CLINT1: variants seen among roughly 807,000 people sequenced by gnomAD.
The protein encoded by CLINT1 is clathrin interactor 1, also known as clathrin interacting protein localized in the trans-Golgi region.
A neutral mutation model predicts 70.4 loss-of-function variants in CLINT1; 15 were observed. The ratio of observed to expected loss-of-function variants is 0.21; its 90% CI spans 0.14 to 0.33. The LOEUF is 0.33. Among genes scored for constraint, CLINT1 ranks in the 10% least tolerant of loss-of-function variants. The pLI is 1.00. For missense variants in CLINT1, 615 were observed against 778.1 expected, an observed-to-expected ratio of 0.79 and a Z score of 2.49; for synonymous variants, 227 against 254.7, an observed-to-expected ratio of 0.89 and a Z score of 1.04.
intron 11 of CLINT1, among the ~76,000 whole-genome samples, chr5:157,788,786 G>GTTTA (rs976802467): frequency 6.6e-6 from 1 of 151,932 alleles, no homozygotes; most frequent in Non-Finnish European, 1.5e-5. Flanking sequence ...TGGACAACAG[G>GTTTA]GTGAAACCCT....
chr5:157,812,217 T>C (rs1478109102), intron 5 of CLINT1, among the ~76,000 whole-genome samples: 1 of 152,030 alleles, frequency 6.6e-6, no homozygotes, highest in African/African-American at 2.4e-5. Flanking sequence ...TTGAAGGAGA[T>C]ATGAGAGCTC....
intron 5 of CLINT1, among the ~76,000 whole-genome samples, chr5:157,810,529 C>G (rs1762523486): frequency 6.6e-6 from 1 of 152,142 alleles, no homozygotes; most frequent in Admixed American, 6.5e-5. Context: ...CCTAGAGCCT[C>G]TGTGTGAATT....
At chr5:157,812,900 C>G (rs779861948) in intron 5 of CLINT1, among the ~76,000 whole-genome samples, 163 bp downstream of exon 5, 19 of 152,154 alleles carry the variant, frequency 1.2e-4, no homozygotes, top group Admixed American at 2.6e-4. Context: ...TAGGAAGATT[C>G]ATGTGATAGT....
intron 1 of CLINT1, among the ~76,000 whole-genome samples, chr5:157,829,403 G>A (rs997694801): frequency 5.3e-5 from 8 of 152,114 alleles, no homozygotes; most frequent in African/African-American, 1.9e-4. Flanking sequence ...TATAATAGGT[G>A]CTATGTCAAA....
intron 1 of CLINT1, among the ~76,000 whole-genome samples, chr5:157,839,626 C>A (rs7727563): frequency 0.014 from 2,010 of 146,544 alleles, 50 homozygotes; most frequent in African/African-American, 0.048. Flanking sequence ...AAAAAACAAA[C>A]AAAAAAAAAC....
chr5:157,804,801 C>A (rs1484939057), intron 7 of CLINT1, among the ~76,000 whole-genome samples: 1 of 151,994 alleles, frequency 6.6e-6, no homozygotes, highest in Non-Finnish European at 1.5e-5. Flanking sequence ...GTGGTGCATG[C>A]CTGTAATCTC....
At chr5:157,853,726 A>G (rs770716273) in intron 1 of CLINT1, among the ~76,000 whole-genome samples, 3 of 148,572 alleles carry the variant, frequency 2.0e-5, no homozygotes, top group Non-Finnish European at 4.5e-5. Context: ...GCAGTGAGCC[A>G]ATATCGCACC....
chr5:157,786,503 A>G lies in CLINT1; in HGVS notation c.*1143T>C, dbSNP rs185258292. 4.6e-5 allele frequency: 7 copies of G among 152,694 alleles called. No individual in the cohort carries two copies. Among genetic ancestry groups the G allele is most frequent in the Admixed American group, 6.5e-5 (1 of 15,278 alleles). The allele number at this position is 152,694 out of a possible 1,614,324, so 9.5% of individuals were successfully genotyped here. A position where few individuals can be genotyped will look rare whatever the true frequency, so the allele number is the denominator to read the frequency against. On this transcript the variant is annotated 3_prime_UTR_variant, in exon 12 of 12. Transcript: ENST00000411809. Reference sequence around the variant, plus strand: ...ACTCTAGAATCATGATTTTCATGTGAGCTTAATGCAGAATTACAGCAGAAA... The same window carrying G: ...ACTCTAGAATCATGATTTTCATGTGGGCTTAATGCAGAATTACAGCAGAAA...
At chr5:157,799,664 ATTCTAT>A (rs2113154651) in intron 8 of CLINT1, among the ~76,000 whole-genome samples, 1 of 152,212 alleles carries the variant, frequency 6.6e-6, no homozygotes, top group South Asian at 2.1e-4. Flanking sequence ...AGTTTTTGGC[ATTCTAT>A]TTCTAATTGG....
At chr5:157,846,076 T>C (rs1214451197) in intron 1 of CLINT1, among the ~76,000 whole-genome samples, 1 of 152,140 alleles carries the variant, frequency 6.6e-6, no homozygotes, top group Non-Finnish European at 1.5e-5. Flanking sequence ...AGACACAATA[T>C]TGACATTAGG....
At chr5:157,823,290 A>G (rs1762932618) in intron 1 of CLINT1, among the ~76,000 whole-genome samples, 1 of 152,226 alleles carries the variant, frequency 6.6e-6, no homozygotes, top group Non-Finnish European at 1.5e-5. Flanking sequence ...TGTATTTTCC[A>G]AATTTTTTCA....
At chr5:157,830,757 CCTCTCTCTCT>C (rs373819711) in intron 1 of CLINT1, among the ~76,000 whole-genome samples, 1,333 of 87,396 alleles carry the variant, frequency 0.015, 12 homozygotes, top group African/African-American at 0.03. Flanking sequence ...CCTCTCTCTC[CCTCTCTCTCT>C]CTCTCTCTCT....
chr5:157,853,205 G>C (rs998501296), intron 1 of CLINT1, among the ~76,000 whole-genome samples: 2 of 152,026 alleles, frequency 1.3e-5, no homozygotes, highest in African/African-American at 4.8e-5. Flanking sequence ...TGGGCATGGT[G>C]GCACATGCCT....
chr5:157,855,165 G>GA (rs1428725991), intron 1 of CLINT1, among the ~76,000 whole-genome samples: 1 of 91,250 alleles, frequency 1.1e-5, no homozygotes, highest in African/African-American at 4.4e-5. Context: ...GGCGGGGGGG[G>GA]GGGCGGGTCA....
rs1762787603 is a variant in CLINT1 at position 157,818,492 on chromosome 5, A to AT, written c.42-946dup. Among the ~76,000 whole-genome samples, 5 of 147,630 alleles carry AT rather than the reference A, an allele frequency of 3.4e-5. No individual in the cohort carries two copies. In the South Asian group the frequency reaches 1.1e-3, roughly 31 times the overall value. On this transcript the variant is annotated intron_variant, in intron 1 of 11. Coordinates refer to ENST00000411809, the MANE Select transcript of CLINT1 (RefSeq NM_014666.4). ...TAAAAAAAAAAAAAAAAAAAAAAAA[A>AT]TTAAAAATTAGCCAGACATGTTGGC...
intron 4 of CLINT1, among the ~76,000 whole-genome samples, chr5:157,813,912 T>C (rs1419807863): frequency 6.6e-6 from 1 of 152,218 alleles, no homozygotes; most frequent in African/African-American, 2.4e-5. Flanking sequence ...TATTCCTTTA[T>C]GGACACCACA....
At chr5:157,823,739 A>C (rs1000036771) in intron 1 of CLINT1, 12 of 822,602 alleles carry the variant, frequency 1.5e-5, no homozygotes, top group African/African-American at 1.9e-5. Context: ...AACATAAAAC[A>C]CCCATAAAAT....
chr5:157,848,185 C>CT (rs1753446487), intron 1 of CLINT1, among the ~76,000 whole-genome samples: 1 of 148,942 alleles, frequency 6.7e-6, no homozygotes, highest in Non-Finnish European at 1.5e-5. Flanking sequence ...CTGAAACCTC[C>CT]ACTTTCCAGA....
At chr5:157,835,780 A>G (rs146166507) in intron 1 of CLINT1, among the ~76,000 whole-genome samples, 128 of 152,318 alleles carry the variant, frequency 8.4e-4, no homozygotes, top group Admixed American at 2.8e-3. Context: ...TTAATTTACT[A>G]TATCCTCTGA....
Sources: gnomAD v4.1 joint callset for allele counts (sites outside exome capture counted in the v4.1 genomes callset) on GRCh38, gnomAD v4.1.1 for gene constraint, MANE v1.5 for transcripts, NCBI Gene and HGNC (gene_info 2026-07-23, HGNC 2026-07-21) for gene names.